SETDB1: variants seen among roughly 807,000 people sequenced by gnomAD.
The protein encoded by SETDB1 is histone-lysine N-methyltransferase SETDB1.
A neutral mutation model predicts 137.4 loss-of-function variants in SETDB1; 31 were observed. That is an observed-to-expected ratio of 0.23 (90% confidence interval 0.17 to 0.30). The LOEUF is 0.30. Ranked by LOEUF, SETDB1 falls within the 10% of genes least tolerant of loss-of-function variation. The probability of loss-of-function intolerance (pLI) is 1.00; values close to 1 mark genes in which losing one functional copy is unlikely to be tolerated. For synonymous variants in SETDB1, 548 were observed against 579.9 expected, an observed-to-expected ratio of 0.95 and a Z score of 0.79; for missense variants, 1,113 against 1,631.5, an observed-to-expected ratio of 0.68 and a Z score of 5.47.
chr1:150,928,996 A>G (rs985012192), intron 2 of SETDB1, among the ~76,000 whole-genome samples: 4 of 152,164 alleles, frequency 2.6e-5, no homozygotes, highest in Non-Finnish European at 5.9e-5. Flanking sequence ...TCTATCATTG[A>G]TGGACATTTG....
chr1:150,957,992 G>A (rs1262401402), intron 14 of SETDB1, among the ~76,000 whole-genome samples: 1 of 152,080 alleles, frequency 6.6e-6, no homozygotes, highest in Non-Finnish European at 1.5e-5. Context: ...TTCGAGACCA[G>A]CCTGATCAAC....
At chr1:150,962,464 A>C in intron 17 of SETDB1, 123 bp from the exon 18 acceptor site, 1 of 916,124 alleles carries the variant, frequency 1.1e-6, no homozygotes, top group Non-Finnish European at 1.8e-6. Context: ...GCCATGAGCT[A>C]CCGTGTCCAG....
intron 3 of SETDB1, among the ~76,000 whole-genome samples, chr1:150,935,800 C>G (rs745899737): frequency 3.5e-4 from 53 of 152,126 alleles, no homozygotes; most frequent in Non-Finnish European, 2.9e-5. Context: ...GTTCTTTGAG[C>G]ATATTTATAA....
intron 14 of SETDB1, among the ~76,000 whole-genome samples, chr1:150,953,067 C>T (rs1254318237): frequency 1.3e-5 from 2 of 152,220 alleles, no homozygotes; most frequent in African/African-American, 4.8e-5. Flanking sequence ...GAGAAGGCGG[C>T]TCAGGAGTAA....
At chr1:150,963,243 C>T in intron 19 of SETDB1, 104 bp downstream of exon 19, 1 of 1,082,652 alleles carries the variant, frequency 9.2e-7, no homozygotes, top group South Asian at 1.5e-5. Flanking sequence ...AATTCAGATC[C>T]TAAGAATTGG....
intron 3 of SETDB1, among the ~76,000 whole-genome samples, chr1:150,936,026 G>T (rs587755951): frequency 6.6e-6 from 1 of 151,998 alleles, no homozygotes; most frequent in Non-Finnish European, 1.5e-5. Flanking sequence ...TCGCTCTGTC[G>T]CCCAGGCTGG....
intron 16 of SETDB1, 141 bp from the exon 17 acceptor site, chr1:150,961,989 G>A: frequency 1.1e-6 from 1 of 906,878 alleles, no homozygotes. Context: ...CTGTCAAGTT[G>A]CAGAGTGGTT....
At chr1:150,961,475 G>A (rs1670819598) in intron 16 of SETDB1, 2 of 381,408 alleles carry the variant, frequency 5.2e-6, no homozygotes, top group South Asian at 2.3e-5. Context: ...CCAACATGGT[G>A]AAACCCCGTC....
intron 10 of SETDB1, among the ~76,000 whole-genome samples, chr1:150,947,775 A>G (rs1215404975): frequency 1.3e-5 from 2 of 152,192 alleles, no homozygotes; most frequent in African/African-American, 4.8e-5. Context: ...ACCCTGTCTC[A>G]GAAACAAACA....
At chr1:150,934,761 T>TAAAA (rs1350529995) in intron 3 of SETDB1, among the ~76,000 whole-genome samples, 31 of 152,308 alleles carry the variant, frequency 2.0e-4, no homozygotes, top group Non-Finnish European at 4.0e-4. Context: ...CCTTTAATAT[T>TAAAA]TCTTGCAGTA....
At chr1:150,955,054 G>C (rs1011902523) in intron 14 of SETDB1, among the ~76,000 whole-genome samples, 2 of 152,212 alleles carry the variant, frequency 1.3e-5, no homozygotes, top group Non-Finnish European at 2.9e-5. Context: ...ACATTCAGAG[G>C]AGATCGAGAC....
In SETDB1 at chr1:150,944,993, A is replaced by G. The variant is rs377370666; in HGVS notation, c.1025A>G (p.Asn342Ser). 27 of 1,613,894 alleles carry G rather than the reference A, an allele frequency of 1.7e-5. No homozygotes were observed. Among genetic ancestry groups the G allele is most frequent in the South Asian group, 6.6e-5 (6 of 91,088 alleles). The part of the protein sequence containing the change: ...FIEEYVTAYP[N>S]RPMVLLKSGQ... ...GAGGAGTATGTCACTGCCTACCCCA[A>G]CCGCCCCATGGTACTGCTCAAGAGT... The change falls in exon 9 of 22, where the codon AAC becomes AGC. Residue 342 changes from asparagine to serine, a missense_variant. By Grantham distance (46) the Asn-to-Ser change is conservative (BLOSUM62 1). Coordinates refer to ENST00000692827, the MANE Select transcript of SETDB1 (RefSeq NM_001366418.1).
At chr1:150,937,650 T>A (rs1386324592) in intron 3 of SETDB1, among the ~76,000 whole-genome samples, 1 of 152,186 alleles carries the variant, frequency 6.6e-6, no homozygotes, top group Non-Finnish European at 1.5e-5. Flanking sequence ...ATAAATTGTT[T>A]ATGGAAATAT....
intron 18 of SETDB1, 61 bp from the exon 19 acceptor site, chr1:150,962,909 CAGCA>C (rs1278300810): frequency 9.6e-6 from 15 of 1,566,138 alleles, no homozygotes; most frequent in Admixed American, 8.9e-5. Context: ...CCGTGGGTAA[CAGCA>C]AGGACTTAAA....
chr1:150,956,437 A>G (rs1670644800), intron 14 of SETDB1, among the ~76,000 whole-genome samples: 1 of 152,056 alleles, frequency 6.6e-6, no homozygotes, highest in South Asian at 2.1e-4. Flanking sequence ...AATGAATGAT[A>G]GTATAGCTAC....
chr1:150,962,993 G>C lies in SETDB1; in HGVS notation c.3314G>C (p.Ser1105Thr). 1 of 1,614,058 alleles carries C rather than the reference G, an allele frequency of 6.2e-7. No individual in the cohort carries two copies. Among genetic ancestry groups the C allele is most frequent in the Non-Finnish European group, 8.5e-7 (1 of 1,179,970 alleles). Reference protein sequence around the residue: ...SNPDDVLTLSSSTESEGESGT... With the variant: ...SNPDDVLTLSTSTESEGESGT... ...CCCCAGGATGTCCTGACACTGTCCA[G>C]CAGCACAGAAAGTGAGGGGGAAAGT... is the stretch of plus-strand genomic sequence containing the variant. Residue 1105 changes from serine (S) to threonine (T), a missense_variant, in exon 19 of 22, where the codon AGC becomes ACC. Physicochemically the swap from Ser to Thr is moderately conservative, Grantham distance 58. Transcript: ENST00000692827.
intron 14 of SETDB1, among the ~76,000 whole-genome samples, chr1:150,953,360 A>G (rs1011772888): frequency 3.9e-5 from 6 of 151,946 alleles, no homozygotes; most frequent in Non-Finnish European, 7.4e-5. Context: ...CCCCATCTCT[A>G]CTAAAAATAC....
intron 16 of SETDB1, 171 bp downstream of exon 16, chr1:150,961,362 C>G (rs1670815478): frequency 7.1e-6 from 5 of 701,194 alleles, no homozygotes; most frequent in Non-Finnish European, 9.6e-6. Context: ...TTTAAAGAAC[C>G]AAATTATTGA....
At chr1:150,933,526 G>A (rs1331639600) in intron 3 of SETDB1, among the ~76,000 whole-genome samples, 1 of 150,982 alleles carries the variant, frequency 6.6e-6, no homozygotes, top group East Asian at 2.0e-4. Flanking sequence ...ACAGGCACGC[G>A]CCATCACACC....
Sources: allele counts gnomAD v4.1 joint callset (sites outside exome capture counted in the v4.1 genomes callset), GRCh38; gene constraint gnomAD v4.1.1; transcripts MANE v1.5; gene names NCBI Gene and HGNC (gene_info 2026-07-23, HGNC 2026-07-21).